The following TEX15 variants were observed in gnomAD, a reference collection of about 807,000 sequenced individuals.
TEX15 encodes the protein testis-expressed protein 15.
A neutral mutation model predicts 237.3 loss-of-function variants in TEX15; 171 were observed. The observed-to-expected ratio is 0.72, with a 90% CI of 0.64 to 0.82. TEX15 has a LOEUF of 0.82. TEX15 is among the 40% of genes least tolerant of loss of function. The pLI, the probability that TEX15 is intolerant of heterozygous loss-of-function variation, is 0.00. For synonymous variants in TEX15, 1,338 were observed against 1,269.8 expected, an observed-to-expected ratio of 1.05 and a Z score of -1.14; for missense variants, 3,750 against 3,646.5, an observed-to-expected ratio of 1.03 and a Z score of -0.73.
intron 3 of TEX15, among the ~76,000 whole-genome samples, chr8:30,885,315 G>A (rs751321952): frequency 9.2e-5 from 14 of 152,018 alleles, no homozygotes; most frequent in South Asian, 6.2e-4. Context: ...AGTCTTTCCC[G>A]TGCTATTCTC....
At chr8:30,873,094 C>G (rs1021327206) in intron 4 of TEX15, among the ~76,000 whole-genome samples, 1 of 152,114 alleles carries the variant, frequency 6.6e-6, no homozygotes, top group Non-Finnish European at 1.5e-5. Flanking sequence ...ATGCATTTCT[C>G]ACAACATATT....
chr8:30,906,714 G>A (rs978695411), intron 1 of TEX15, among the ~76,000 whole-genome samples: 2 of 152,088 alleles, frequency 1.3e-5, no homozygotes, highest in African/African-American at 4.8e-5. Flanking sequence ...TAACTGCTGG[G>A]AATAGGCTTG....
chr8:30,886,426 G>A (rs1250464451), intron 3 of TEX15, among the ~76,000 whole-genome samples: 1 of 152,152 alleles, frequency 6.6e-6, no homozygotes, highest in Admixed American at 6.5e-5. Context: ...TGGAGGTCCA[G>A]GCTCTCCACT....
At chr8:30,880,627 C>T (rs887055285) in intron 3 of TEX15, among the ~76,000 whole-genome samples, 4 of 152,212 alleles carry the variant, frequency 2.6e-5, no homozygotes, top group Admixed American at 2.0e-4. Flanking sequence ...ATTTTCTCTA[C>T]CTTACTTACT....
Position 30,848,294 on chromosome 8 carries a change from C to T in TEX15, c.1873G>A (p.Ala625Thr), listed in dbSNP as rs569352813. 21 of 1,612,908 alleles carry T rather than the reference C, an allele frequency of 1.3e-5. No homozygotes were observed. The highest frequency in any genetic ancestry group is 8.0e-5 in the African/African-American group (6 of 74,866). Residue 625 changes from alanine to threonine, a missense_variant, in exon 8 of 11, where the codon GCT becomes ACT. Transcript: ENST00000643185. ...LQNTGKMKNF[A>T]DLEDSSKHEE... ...TGTTTGGAACTGTCTTCCAGGTCAG[C>T]GAAGTTTTTCATCTTTCCAGTATTT... is the stretch of plus-strand genomic sequence containing the variant.
At chr8:30,852,227 C>T (rs112307872) in intron 7 of TEX15, among the ~76,000 whole-genome samples, 12,293 of 149,450 alleles carry the variant, frequency 0.082, 586 homozygotes, top group South Asian at 0.12. Flanking sequence ...GCCTCAGCCT[C>T]TCCGAGTAGC....
intron 5 of TEX15, among the ~76,000 whole-genome samples, 151 bp from the exon 6 acceptor site, chr8:30,860,208 C>T (rs1808016242): frequency 6.6e-6 from 1 of 152,042 alleles, no homozygotes; most frequent in Non-Finnish European, 1.5e-5. Context: ...GCAGGCTCGA[C>T]CTCTCAGGCT....
chr8:30,898,610 ATG>A (rs1177522352), intron 2 of TEX15, 130 bp downstream of exon 2: 2 of 152,244 alleles, frequency 1.3e-5, no homozygotes, highest in African/African-American at 4.8e-5. Context: ...AAGTATTCCA[ATG>A]TGTGATAAAA....
intron 8 of TEX15, 65 bp from the exon 9 acceptor site, chr8:30,840,029 TA>T: frequency 8.4e-6 from 8 of 949,004 alleles, no homozygotes; most frequent in Non-Finnish European, 1.2e-5. Flanking sequence ...AAATAATTAT[TA>T]TTTCAATATT....
intron 1 of TEX15, among the ~76,000 whole-genome samples, chr8:30,912,643 G>A (rs902676729): frequency 6.6e-6 from 1 of 152,196 alleles, no homozygotes; most frequent in East Asian, 1.9e-4. Context: ...CTGTAGAGTC[G>A]GCTGCCCTGG....
chr8:30,853,183 T>C (rs1283799380), intron 7 of TEX15, among the ~76,000 whole-genome samples: 1 of 152,198 alleles, frequency 6.6e-6, no homozygotes, highest in African/African-American at 2.4e-5. Flanking sequence ...TCCCTATCTG[T>C]TGTCTCTAAT....
At position 30,846,547 on chromosome 8, in the gene TEX15, G is replaced by A; in HGVS notation, c.3620C>T (p.Ser1207Phe). 6.2e-7 allele frequency: 1 copy of A among 1,613,678 alleles called. No individual in the cohort carries two copies. The highest frequency in any genetic ancestry group is 8.5e-7 in the Non-Finnish European group (1 of 1,179,726). Residue 1207 changes from serine (S) to phenylalanine (F), a missense_variant, in exon 8 of 11, where the codon TCC becomes TTC. Physicochemically the swap from Ser to Phe is radical, Grantham distance 155. Transcript: ENST00000643185. ...ATCTGCATTTTCACCAAAAGGCTGG[G>A]AATAAATGTCAAATCCTAGAATTTC... ...DGEILGFDIY[S>F]QPFGENADYP... is the part of the protein sequence containing the mutation.
At chr8:30,895,057 T>C (rs1045267680) in intron 2 of TEX15, among the ~76,000 whole-genome samples, 1 of 152,162 alleles carries the variant, frequency 6.6e-6, no homozygotes, top group African/African-American at 2.4e-5. Context: ...TTATGGTATT[T>C]TGTTACAGCA....
chr8:30,843,991 T>C lies in TEX15; in HGVS notation c.6176A>G (p.Asn2059Ser). The C allele has an allele frequency of 3.7e-6, 6 of 1,612,952 alleles. No individual in the cohort carries two copies. Among genetic ancestry groups the C allele is most frequent in the Non-Finnish European group, 4.2e-6 (5 of 1,179,576 alleles). ...RELLVDQNLW[N>S]NCKHTLKPCA... ...TGGTTTTAATGTGTGTTTGCAATTA[T>C]TCCACAGGTTTTGGTCTACCAACAG... The change falls in exon 8 of 11, where the codon AAT (asparagine) becomes AGT (serine). Residue 2059 changes from asparagine to serine, a missense_variant. By Grantham distance (46) the Asn-to-Ser change is conservative. Transcript: ENST00000643185.
At chr8:30,868,084 T>C (rs1044083504) in intron 4 of TEX15, among the ~76,000 whole-genome samples, 1 of 151,996 alleles carries the variant, frequency 6.6e-6, no homozygotes, top group African/African-American at 2.4e-5. Flanking sequence ...CACAAATATA[T>C]CAATTATTAG....
chr8:30,864,910 G>A (rs1018648067), intron 5 of TEX15, among the ~76,000 whole-genome samples: 4 of 151,994 alleles, frequency 2.6e-5, no homozygotes, highest in African/African-American at 9.7e-5. Flanking sequence ...AACTGTATCA[G>A]TTTTAAATAA....
At chr8:30,909,146 T>TTTG (rs1185727755) in intron 1 of TEX15, among the ~76,000 whole-genome samples, 35 of 152,146 alleles carry the variant, frequency 2.3e-4, no homozygotes, top group African/African-American at 7.0e-4. Context: ...AACTAGATAC[T>TTTG]CAAATCAGTT....
intron 2 of TEX15, among the ~76,000 whole-genome samples, chr8:30,890,249 T>C (rs545146427): frequency 4.0e-5 from 6 of 151,884 alleles, no homozygotes; most frequent in African/African-American, 1.5e-4. Context: ...TAAGAGAATG[T>C]ATGTTATGAA....
Position 30,845,578 on chromosome 8 carries a change from T to C in TEX15, c.4589A>G (p.Gln1530Arg), listed in dbSNP as rs373131219. The C allele has an allele frequency of 1.2e-6, 2 of 1,613,534 alleles. No homozygotes were observed. Among genetic ancestry groups the C allele is most frequent in the African/African-American group, 2.7e-5 (2 of 74,916 alleles). Residue 1530 changes from glutamine (Q) to arginine (R), a missense_variant, in exon 8 of 11, where the codon CAG (glutamine) becomes CGG (arginine). Gln to Arg is a conservative substitution (Grantham distance 43). Coordinates refer to ENST00000643185, the MANE Select transcript of TEX15 (RefSeq NM_001350162.2). ...PVSSTSQSTS[Q>R]SVYYNSSVSN... Reference sequence around the variant, plus strand: ...TACACTGCTATTATAATAAACTGACTGACTTGTACTTTGGGATGTGGAGGA... The same window carrying C: ...TACACTGCTATTATAATAAACTGACCGACTTGTACTTTGGGATGTGGAGGA...
Sources: gnomAD v4.1 joint callset for allele counts (sites outside exome capture counted in the v4.1 genomes callset) on GRCh38, gnomAD v4.1.1 for gene constraint, MANE v1.5 for transcripts, NCBI Gene and HGNC (gene_info 2026-07-23, HGNC 2026-07-21) for gene names.